The following STX11 variants were observed in gnomAD, a reference collection of about 807,000 sequenced individuals.
The protein encoded by STX11 is syntaxin 11, also known as syntaxin-11.
Under a neutral mutation model 19.9 loss-of-function variants are expected in STX11, and 21 were observed. That is an observed-to-expected ratio of 1.06 (90% confidence interval 0.75 to 1.52). The LOEUF is 1.52. STX11 is among the 40% of genes most tolerant of loss of function. The pLI, the probability that STX11 is intolerant of heterozygous loss-of-function variation, is 0.00. For synonymous variants in STX11, 193 were observed against 174.4 expected, an observed-to-expected ratio of 1.11 and a Z score of -0.84; for missense variants, 438 against 405.9, an observed-to-expected ratio of 1.08 and a Z score of -0.68.
Position 144,184,200 on chromosome 6 carries a change from T to C in STX11, c.-5-2423T>C, listed in dbSNP as rs1801975085. 6.6e-6 allele frequency among the ~76,000 whole-genome samples: 1 copy of C among 152,238 alleles called. No individual in the cohort carries two copies. Among genetic ancestry groups the C allele is most frequent in the Non-Finnish European group, 1.5e-5 (1 of 68,040 alleles). ...TTATAATAGAATGATTTATATTCCT[T>C]TGGGTATATACCCAGTAATGGGATC... On this transcript the variant is annotated intron_variant, in intron 1 of 1. Coordinates refer to ENST00000367568, the MANE Select transcript of STX11 (RefSeq NM_003764.4). This position sits in a 1 kb window ranked among gnomAD's most constrained non-coding sequence, Gnocchi z 6.5.
At chr6:144,181,615 A>AAT (rs1801914164) in intron 1 of STX11, among the ~76,000 whole-genome samples, 1 of 144,306 alleles carries the variant, frequency 6.9e-6, no homozygotes, top group African/African-American at 2.7e-5. Context: ...AAAAAAAAAA[A>AAT]AAGCTGACAT....
In STX11 at chr6:144,155,712, G is replaced by A. The variant is rs1312241122; in HGVS notation, c.-6+5009G>A. The stretch of plus-strand genomic sequence containing the variant: ...TAAGCCACCTCTAAGGCTCCTCCCC[G>A]TCCTAATAACCATTCTGTGTCTTTT... On this transcript the variant is annotated intron_variant, in intron 1 of 1. Coordinates refer to ENST00000367568, the MANE Select transcript of STX11 (RefSeq NM_003764.4). This position sits in a 1 kb window ranked among gnomAD's most constrained non-coding sequence, Gnocchi z 4.5. 2.6e-5 allele frequency among the ~76,000 whole-genome samples: 4 copies of A among 152,122 alleles called. No individual in the cohort carries two copies. The highest frequency in any genetic ancestry group is 4.4e-5 in the Non-Finnish European group (3 of 68,030).
the STX11 span, among the ~76,000 whole-genome samples, chr6:144,142,538 G>A: frequency 2.6e-5 from 4 of 152,042 alleles, no homozygotes; most frequent in Non-Finnish European, 4.4e-5. Flanking sequence ...ACATTTATGG[G>A]ATAAAGAAAA....
rs1353630141 is a variant in STX11 at position 144,176,556 on chromosome 6, A to G, written c.-5-10067A>G. ...CTGCAGACACACGCAGAAAGTTACT[A>G]TTATAGAATGTTTGCTTCTCGAATG... On this transcript the variant is annotated intron_variant, in intron 1 of 1. Coordinates refer to ENST00000367568, the MANE Select transcript of STX11 (RefSeq NM_003764.4). The surrounding 1 kb of genome is among the most constrained non-coding windows in gnomAD (Gnocchi z 4.1). Among the ~76,000 whole-genome samples the G allele has an allele frequency of 6.6e-6, 1 of 152,124 alleles. No individual in the cohort carries two copies. The highest frequency in any genetic ancestry group is 2.4e-5 in the African/African-American group (1 of 41,426).
At position 144,189,062 on chromosome 6, in the gene STX11, C is replaced by G. The variant is rs151020584; in HGVS notation, c.*1571C>G. On this transcript the variant is annotated 3_prime_UTR_variant, in exon 2 of 2. Transcript: ENST00000367568. ...CTTTTGAGACAGGGTCTCCCTTTGT[C>G]ACCCAGGCTGAAGTGCAGTGGCATA... Among the ~76,000 whole-genome samples, 64 of 150,216 alleles carry G rather than the reference C, an allele frequency of 4.3e-4. No individual in the cohort carries two copies. In the East Asian group the frequency reaches 0.012, roughly 27 times the overall value.
chr6:144,187,519 T>C lies in STX11; in HGVS notation c.*28T>C, dbSNP rs766548668. 6.2e-7 allele frequency: 1 copy of C among 1,611,270 alleles called. No homozygotes were observed. ...GGCCGGCCCGGGCCGCCACCGCCCATCCCAGACCATGGAGCGCGCTGGGAA... is the reference window on the plus strand; with the variant it reads ...GGCCGGCCCGGGCCGCCACCGCCCACCCCAGACCATGGAGCGCGCTGGGAA... On this transcript the variant is annotated 3_prime_UTR_variant, in exon 2 of 2. Transcript: ENST00000367568. This position sits in a 1 kb window ranked among gnomAD's most constrained non-coding sequence, Gnocchi z 5.6.
the STX11 span, among the ~76,000 whole-genome samples, chr6:144,140,038 G>A: frequency 6.6e-6 from 1 of 151,176 alleles, no homozygotes; most frequent in Non-Finnish European, 1.5e-5. Context: ...CACACCTGGG[G>A]CACACAAGGA....
rs1293058134 is a variant in STX11 at position 144,151,945 on chromosome 6, A to G, written c.-6+1242A>G. Among the ~76,000 whole-genome samples the G allele has an allele frequency of 6.6e-6, 1 of 152,178 alleles. No homozygotes were observed. The highest frequency in any genetic ancestry group is 1.5e-5 in the Non-Finnish European group (1 of 68,038). Reference sequence around the variant, plus strand: ...ATCTCAACACGGTAGAGAAGGGGACACCATCTCTACTGGAGCTGAGTTGAG... The same window carrying G: ...ATCTCAACACGGTAGAGAAGGGGACGCCATCTCTACTGGAGCTGAGTTGAG... On this transcript the variant is annotated intron_variant, in intron 1 of 1. Coordinates refer to ENST00000367568, the MANE Select transcript of STX11 (RefSeq NM_003764.4). The surrounding 1 kb of genome is among the most constrained non-coding windows in gnomAD (Gnocchi z 4.6).
chr6:144,174,361 G>T lies in STX11; in HGVS notation c.-5-12262G>T, dbSNP rs1299354298. On this transcript the variant is annotated intron_variant, in intron 1 of 1. Coordinates refer to ENST00000367568, the MANE Select transcript of STX11 (RefSeq NM_003764.4). This position sits in a 1 kb window ranked among gnomAD's most constrained non-coding sequence, Gnocchi z 5.3. Reference sequence around the variant, plus strand: ...AGCTGCAAAGAATTTGTAGTAAGAAGATTTTTATTTTTATTTTATTTTTAT... The same window carrying T: ...AGCTGCAAAGAATTTGTAGTAAGAATATTTTTATTTTTATTTTATTTTTAT... Among the ~76,000 whole-genome samples, 2 of 152,080 alleles carry T rather than the reference G, an allele frequency of 1.3e-5. No homozygotes were observed. The highest frequency in any genetic ancestry group is 2.9e-5 in the Non-Finnish European group (2 of 68,006).
Position 144,170,401 on chromosome 6 carries a change from T to C in STX11, c.-5-16222T>C, listed in dbSNP as rs1421405409. On this transcript the variant is annotated intron_variant, in intron 1 of 1. Transcript: ENST00000367568. The surrounding 1 kb of genome is among the most constrained non-coding windows in gnomAD (Gnocchi z 4.7). ...ATGTGCAGAAAAGATGTATTGCAGC[T>C]GAAGGGGGATGGGAGGGTCTTTTTT... is the stretch of plus-strand genomic sequence containing the variant. 6.6e-6 allele frequency among the ~76,000 whole-genome samples: 1 copy of C among 152,122 alleles called. No homozygotes were observed. Among genetic ancestry groups the C allele is most frequent in the Non-Finnish European group, 1.5e-5 (1 of 68,014 alleles).
chr6:144,146,806 C>G (rs1012356970), upstream of STX11, among the ~76,000 whole-genome samples: 1 of 152,154 alleles, frequency 6.6e-6, no homozygotes, highest in Non-Finnish European at 1.5e-5. This position sits in a 1 kb window ranked among gnomAD's most constrained non-coding sequence, Gnocchi z 4.4. Flanking sequence ...ATCCTCCTAC[C>G]CTGTCCTCCC....
At chr6:144,178,570 A>G (rs920259419) in intron 1 of STX11, among the ~76,000 whole-genome samples, 2 of 152,232 alleles carry the variant, frequency 1.3e-5, no homozygotes, top group African/African-American at 4.8e-5. Context: ...CTGAAAAGCG[A>G]ATTATGTCAG....
rs1801296168 is a variant in STX11 at position 144,160,110 on chromosome 6, C to A, written c.-6+9407C>A. On this transcript the variant is annotated intron_variant, in intron 1 of 1. Transcript: ENST00000367568. This position sits in a 1 kb window ranked among gnomAD's most constrained non-coding sequence, Gnocchi z 4.3. Reference sequence around the variant, plus strand: ...CTCCGCCTCCCGGGTTCAAGTGATTCTCCTGCCTCAGCTTCCTAAGTAGCT... The same window carrying A: ...CTCCGCCTCCCGGGTTCAAGTGATTATCCTGCCTCAGCTTCCTAAGTAGCT... 6.6e-6 allele frequency among the ~76,000 whole-genome samples: 1 copy of A among 152,212 alleles called. No homozygotes were observed. Among genetic ancestry groups the A allele is most frequent in the Non-Finnish European group, 1.5e-5 (1 of 68,032 alleles).
chr6:144,150,888 A>G (rs1455334006), intron 1 of STX11, among the ~76,000 whole-genome samples, 185 bp downstream of exon 1: 1 of 152,030 alleles, frequency 6.6e-6, no homozygotes, highest in African/African-American at 2.4e-5. Flanking sequence ...TCGGAAACAC[A>G]GCATTGGGTT....
rs1801731981 is a variant in STX11 at position 144,174,616 on chromosome 6, C to G, written c.-5-12007C>G. Among the ~76,000 whole-genome samples, 1 of 152,104 alleles carries G rather than the reference C, an allele frequency of 6.6e-6. No individual in the cohort carries two copies. On this transcript the variant is annotated intron_variant, in intron 1 of 1. Transcript: ENST00000367568. The surrounding 1 kb of genome is among the most constrained non-coding windows in gnomAD (Gnocchi z 5.3). ...CTCCTGGGCACAAGCGATCCACCCG[C>G]CTTGGCCTCCCAAGCCAGGATTACA...
chr6:144,176,985 T>C lies in STX11; in HGVS notation c.-5-9638T>C, dbSNP rs1801793921. The stretch of plus-strand genomic sequence containing the variant: ...TATCAGCCATATATAAGAATATTTT[T>C]TCTGGGAGAATTTAACAGGAGTAAC... On this transcript the variant is annotated intron_variant, in intron 1 of 1. Coordinates refer to ENST00000367568, the MANE Select transcript of STX11 (RefSeq NM_003764.4). The surrounding 1 kb of genome is among the most constrained non-coding windows in gnomAD (Gnocchi z 4.1). Among the ~76,000 whole-genome samples the C allele has an allele frequency of 6.6e-6, 1 of 152,212 alleles. No individual in the cohort carries two copies. The highest frequency in any genetic ancestry group is 6.5e-5 in the Admixed American group (1 of 15,286).
At chr6:144,178,480 C>G (rs1010722279) in intron 1 of STX11, among the ~76,000 whole-genome samples, 1 of 152,200 alleles carries the variant, frequency 6.6e-6, no homozygotes, top group Admixed American at 6.5e-5. Context: ...ATCCCAGCTA[C>G]CCACTGGCTG....
intron 1 of STX11, among the ~76,000 whole-genome samples, chr6:144,166,870 C>T (rs1364387780): frequency 6.6e-6 from 1 of 150,922 alleles, no homozygotes; most frequent in East Asian, 1.9e-4. Context: ...CTCCCCTCCC[C>T]TCTCCTTCCC....
At chr6:144,146,154 C>T (rs1449389439), upstream of STX11, among the ~76,000 whole-genome samples, 1 of 152,306 alleles carries the variant, frequency 6.6e-6, no homozygotes, top group East Asian at 1.9e-4. This position sits in a 1 kb window ranked among gnomAD's most constrained non-coding sequence, Gnocchi z 4.4. Flanking sequence ...GACCTTCCAA[C>T]CCTGGGATTC....
Sources: gnomAD v4.1 joint callset for allele counts (sites outside exome capture counted in the v4.1 genomes callset) on GRCh38, gnomAD v4.1.1 for gene constraint, Gnocchi (gnomAD v3.1) non-coding constraint, MANE v1.5 for transcripts, NCBI Gene and HGNC (gene_info 2026-07-23, HGNC 2026-07-21) for gene names.